CDIN1: variants seen among roughly 807,000 people sequenced by gnomAD.
CDIN1 encodes CDAN1 interacting nuclease 1.
CDIN1 carries 33 observed loss-of-function variants against 45.3 expected under a neutral mutation model. The ratio of observed to expected loss-of-function variants is 0.73; its 90% CI spans 0.55 to 0.97. The LOEUF (loss-of-function observed/expected upper bound fraction) is 0.97, where lower values mean the gene tolerates loss of function less well. Ranked by LOEUF, CDIN1 falls within the 50% of genes least tolerant of loss-of-function variation. The pLI, the probability that CDIN1 is intolerant of heterozygous loss-of-function variation, is 0.00. For missense variants in CDIN1, 303 were observed against 339.4 expected, an observed-to-expected ratio of 0.89 and a Z score of 0.84; for synonymous variants, 118 against 124.4, an observed-to-expected ratio of 0.95 and a Z score of 0.34.
chr15:36,615,741 G>T (rs1171811592), intron 1 of CDIN1, among the ~76,000 whole-genome samples: 1 of 152,176 alleles, frequency 6.6e-6, no homozygotes, highest in Non-Finnish European at 1.5e-5. Context: ...CTACATTTGT[G>T]AATGCTTAAA....
intron 1 of CDIN1, chr15:36,626,740 T>A: frequency 2.4e-6 from 1 of 419,092 alleles, no homozygotes; most frequent in South Asian, 1.9e-5. Flanking sequence ...TCAGATTGAC[T>A]GGTGTTTTAT....
chr15:36,791,798 G>T (rs1315829242), intron 10 of CDIN1, among the ~76,000 whole-genome samples: 3 of 152,048 alleles, frequency 2.0e-5, no homozygotes, highest in Non-Finnish European at 4.4e-5. Context: ...GTTGGGTGGG[G>T]TTTTCTCTGC....
intron 1 of CDIN1, among the ~76,000 whole-genome samples, chr15:36,597,473 A>C (rs2037892679): frequency 6.6e-6 from 1 of 152,226 alleles, no homozygotes; most frequent in Admixed American, 6.5e-5. Flanking sequence ...TTTTGCTCAG[A>C]CATAAAGCTG....
chr15:36,771,217 G>A (rs898931741), intron 10 of CDIN1, among the ~76,000 whole-genome samples: 10 of 152,098 alleles, frequency 6.6e-5, no homozygotes, highest in Admixed American at 3.3e-4. Context: ...TGGAGGGCTA[G>A]GGAAGGGATA....
At chr15:36,683,975 C>T (rs1354819747) in intron 5 of CDIN1, among the ~76,000 whole-genome samples, 1 of 139,862 alleles carries the variant, frequency 7.1e-6, no homozygotes, top group Admixed American at 7.7e-5. Context: ...AGATTTTGGG[C>T]TGAGACAATG....
chr15:36,733,123 A>G (rs577255097), intron 10 of CDIN1, among the ~76,000 whole-genome samples: 1 of 152,160 alleles, frequency 6.6e-6, no homozygotes, highest in African/African-American at 2.4e-5. Context: ...GTTTCTGGCA[A>G]ATGAATTAGA....
chr15:36,645,278 A>C lies in CDIN1; in HGVS notation c.203A>C (p.Tyr68Ser). ...CATACTTCGGAAGCAATTGAAAGTT[A>C]TTACCAGAGGTATGACCTTCCTGCC... ...KHHTSEAIES[Y>S]YQRYLNGVVK... The change falls in exon 3 of 11, where the codon TAT (tyrosine) becomes TCT (serine). Residue 68 changes from tyrosine (Y) to serine (S), a missense_variant. Coordinates refer to ENST00000566621, the MANE Select transcript of CDIN1 (RefSeq NM_001321759.2). 2 of 1,552,518 alleles carry C rather than the reference A, an allele frequency of 1.3e-6. No homozygotes were observed. The highest frequency in any genetic ancestry group is 2.4e-5 in the South Asian group (2 of 84,196).
chr15:36,753,619 T>TA (rs11350121), intron 10 of CDIN1, among the ~76,000 whole-genome samples: 62 of 146,378 alleles, frequency 4.2e-4, no homozygotes, highest in South Asian at 1.3e-3. Flanking sequence ...ACTTTTTTAT[T>TA]AAAAAAAAAA....
At chr15:36,732,326 A>C (rs1323658134) in intron 10 of CDIN1, among the ~76,000 whole-genome samples, 1 of 152,240 alleles carries the variant, frequency 6.6e-6, no homozygotes, top group East Asian at 1.9e-4. Flanking sequence ...AAAAAAACTT[A>C]AGAGACATCC....
chr15:36,719,246 T>C (rs1337683643), intron 10 of CDIN1, among the ~76,000 whole-genome samples: 1 of 152,000 alleles, frequency 6.6e-6, no homozygotes, highest in Non-Finnish European at 1.5e-5. Flanking sequence ...AAAAGACTGA[T>C]GTTAGCTATA....
At chr15:36,793,937 A>T (rs556535168) in intron 10 of CDIN1, among the ~76,000 whole-genome samples, 1 of 150,074 alleles carries the variant, frequency 6.7e-6, no homozygotes, top group South Asian at 2.1e-4. Context: ...TGTTTACATT[A>T]TCTTCTTCCC....
chr15:36,676,754 C>G (rs2041664007), intron 5 of CDIN1, among the ~76,000 whole-genome samples: 1 of 152,112 alleles, frequency 6.6e-6, no homozygotes, highest in Non-Finnish European at 1.5e-5. Context: ...CCAGTGAGCC[C>G]AGAAGAGGGC....
intron 1 of CDIN1, chr15:36,641,903 C>G (rs1566858490): frequency 6.6e-6 from 1 of 152,236 alleles, no homozygotes; most frequent in Non-Finnish European, 1.5e-5. Flanking sequence ...GTAGACCTTT[C>G]AGTTGCACAG....
At chr15:36,722,589 A>G (rs891878450) in intron 10 of CDIN1, among the ~76,000 whole-genome samples, 4 of 152,178 alleles carry the variant, frequency 2.6e-5, no homozygotes, top group African/African-American at 9.7e-5. Flanking sequence ...TGTTCACAGC[A>G]GCTATGCTTT....
At chr15:36,734,153 A>G (rs1448660037) in intron 10 of CDIN1, among the ~76,000 whole-genome samples, 1 of 152,060 alleles carries the variant, frequency 6.6e-6, no homozygotes, top group Non-Finnish European at 1.5e-5. Flanking sequence ...TTTTTGATTC[A>G]CAGATGGTGA....
At position 36,808,766 on chromosome 15, in the gene CDIN1, C is replaced by A. The variant is rs1227937569; in HGVS notation, c.*313C>A. On this transcript the variant is annotated 3_prime_UTR_variant, in exon 11 of 11. Coordinates refer to ENST00000566621, the MANE Select transcript of CDIN1 (RefSeq NM_001321759.2). ...GGATGGTTTATCCTTGTATGCTGAA[C>A]AAAAGAAAAAATGTGAAGACTGAAA... is the stretch of plus-strand genomic sequence containing the variant. The A allele has an allele frequency of 8.8e-6, 4 of 456,534 alleles. No individual in the cohort carries two copies. The highest frequency in any genetic ancestry group is 2.6e-5 in the Admixed American group (1 of 38,482). 28.3% of individuals were successfully genotyped at this position (456,534 alleles called of 1,614,324 possible). A position where few individuals can be genotyped will look rare whatever the true frequency, so the allele number is the denominator to read the frequency against.
intron 10 of CDIN1, among the ~76,000 whole-genome samples, chr15:36,797,293 G>A (rs1033888224): frequency 9.9e-5 from 15 of 152,198 alleles, no homozygotes; most frequent in Admixed American, 3.9e-4. Flanking sequence ...CTGAGATATG[G>A]CCAGGAACAG....
Position 36,634,381 on chromosome 15 carries a change from G to A in CDIN1, c.102-9897G>A, listed in dbSNP as rs556877240. Reference sequence around the variant, plus strand: ...AGAGGTTGCAGTGAGCCTTGATCGCGCCACTGCACCCCAGCCTGCAGAGAG... The same window carrying A: ...AGAGGTTGCAGTGAGCCTTGATCGCACCACTGCACCCCAGCCTGCAGAGAG... On this transcript the variant is annotated intron_variant, in intron 1 of 10. Coordinates refer to ENST00000566621, the MANE Select transcript of CDIN1 (RefSeq NM_001321759.2). 1.2e-3 allele frequency among the ~76,000 whole-genome samples: 186 copies of A among 152,128 alleles called. 1 individual carries two copies. The highest frequency in any genetic ancestry group is 3.9e-3 in the African/African-American group (160 of 41,504).
intron 1 of CDIN1, among the ~76,000 whole-genome samples, chr15:36,589,353 T>A (rs554237514): frequency 2.2e-4 from 34 of 152,370 alleles, no homozygotes; most frequent in African/African-American, 6.3e-4. Context: ...ATTGTCTTTT[T>A]ATTGAAGGGA....
Sources: gnomAD v4.1 joint callset for allele counts (sites outside exome capture counted in the v4.1 genomes callset) on GRCh38, gnomAD v4.1.1 for gene constraint, MANE v1.5 for transcripts, NCBI Gene and HGNC (gene_info 2026-07-23, HGNC 2026-07-21) for gene names.